NRXN3: variants seen among roughly 807,000 people sequenced by gnomAD.
NRXN3 encodes the protein neurexin III.
A neutral mutation model predicts 137.6 loss-of-function variants in NRXN3; 32 were observed. That is an observed-to-expected ratio of 0.23 (90% CI 0.18 to 0.31). The LOEUF (loss-of-function observed/expected upper bound fraction) is 0.31, where lower values mean the gene tolerates loss of function less well. NRXN3 is among the 10% of genes least tolerant of loss of function. The probability of loss-of-function intolerance (pLI) is 1.00; values close to 1 mark genes in which losing one functional copy is unlikely to be tolerated. For synonymous variants in NRXN3, 798 were observed against 784.5 expected (o/e 1.02, Z -0.29); for missense variants, 1,574 against 2,062.5 (o/e 0.76, Z 4.59).
intron 16 of NRXN3, among the ~76,000 whole-genome samples, chr14:79,504,641 T>TATATATATATA (rs1555491923): frequency 1.1e-4 from 11 of 97,892 alleles, no homozygotes; most frequent in Admixed American, 3.0e-4. Context: ...ATGAAGTTTT[T>TATATATATATA]TATATATATA....
At chr14:78,543,795 A>C (rs2096613582) in intron 4 of NRXN3, among the ~76,000 whole-genome samples, 1 of 152,128 alleles carries the variant, frequency 6.6e-6, no homozygotes, top group East Asian at 1.9e-4. Flanking sequence ...ATCCTAGCCT[A>C]GTTTCCTTCA....
At chr14:78,945,572 C>A in intron 10 of NRXN3, among the ~76,000 whole-genome samples, 1 of 152,098 alleles carries the variant, frequency 6.6e-6, no homozygotes, top group Non-Finnish European at 1.5e-5. Context: ...CGAGGCTACC[C>A]AGGTTTAGTT....
intron 8 of NRXN3, among the ~76,000 whole-genome samples, chr14:78,769,813 G>A (rs987420833): frequency 5.2e-4 from 79 of 152,236 alleles, no homozygotes; most frequent in African/African-American, 1.8e-3. Context: ...AGAGGCAGAA[G>A]CAGCAGGAGC....
At chr14:79,150,596 C>T (rs531388408) in intron 15 of NRXN3, among the ~76,000 whole-genome samples, 4 of 152,046 alleles carry the variant, frequency 2.6e-5, no homozygotes, top group South Asian at 2.1e-4. Flanking sequence ...TGCATGGTTG[C>T]CATCTGACCT....
At chr14:78,792,645 A>G (rs2098809231) in intron 8 of NRXN3, among the ~76,000 whole-genome samples, 1 of 152,224 alleles carries the variant, frequency 6.6e-6, no homozygotes, top group Non-Finnish European at 1.5e-5. Context: ...TGCATTGATC[A>G]AGTCATTGGA....
chr14:79,410,415 A>G (rs1027816577), intron 15 of NRXN3, among the ~76,000 whole-genome samples: 1 of 151,864 alleles, frequency 6.6e-6, no homozygotes, highest in Non-Finnish European at 1.5e-5. Flanking sequence ...TTTAAAATGT[A>G]GTTATCTAAT....
At chr14:79,278,330 G>C (rs866128162) in intron 15 of NRXN3, among the ~76,000 whole-genome samples, 1 of 152,134 alleles carries the variant, frequency 6.6e-6, no homozygotes, top group Non-Finnish European at 1.5e-5. Context: ...TCCTTCCTGC[G>C]CATGAGACAT....
At chr14:79,778,023 C>G (rs1603484115) in intron 19 of NRXN3, among the ~76,000 whole-genome samples, 1 of 152,172 alleles carries the variant, frequency 6.6e-6, no homozygotes, top group South Asian at 2.1e-4. Flanking sequence ...AACCTCCTTT[C>G]TACTGACTGC....
At chr14:78,615,326 C>A (rs760273987) in intron 4 of NRXN3, among the ~76,000 whole-genome samples, 2 of 151,760 alleles carry the variant, frequency 1.3e-5, no homozygotes, top group Admixed American at 6.6e-5. Context: ...CAGGGCCGGG[C>A]GCGGTGGCTC....
At chr14:79,111,469 T>A (rs1447499404) in intron 15 of NRXN3, among the ~76,000 whole-genome samples, 1 of 152,172 alleles carries the variant, frequency 6.6e-6, no homozygotes, top group African/African-American at 2.4e-5. Context: ...CTGGGCACAG[T>A]GGCTCATGCC....
At chr14:78,844,788 C>G (rs1301674516) in intron 10 of NRXN3, among the ~76,000 whole-genome samples, 1 of 152,018 alleles carries the variant, frequency 6.6e-6, no homozygotes, top group East Asian at 1.9e-4. Flanking sequence ...GTTAATCCCT[C>G]TGGAGAACCC....
At chr14:78,310,507 GC>G (rs1261001631) in intron 4 of NRXN3, among the ~76,000 whole-genome samples, 1 of 151,978 alleles carries the variant, frequency 6.6e-6, no homozygotes, top group Non-Finnish European at 1.5e-5. Context: ...AGTTTGCTGA[GC>G]CAGGCATACG....
At chr14:79,553,492 C>T (rs2097396676) in intron 16 of NRXN3, among the ~76,000 whole-genome samples, 1 of 152,108 alleles carries the variant, frequency 6.6e-6, no homozygotes, top group Non-Finnish European at 1.5e-5. Context: ...TTAGTGCACC[C>T]CATCTCATCC....
chr14:78,853,855 C>G (rs2099049651), intron 10 of NRXN3, among the ~76,000 whole-genome samples: 1 of 152,162 alleles, frequency 6.6e-6, no homozygotes, highest in Non-Finnish European at 1.5e-5. Flanking sequence ...CCATTCTTCT[C>G]CAGGTGAAAG....
intron 10 of NRXN3, among the ~76,000 whole-genome samples, chr14:78,930,572 G>A (rs1339453716): frequency 1.3e-5 from 2 of 152,166 alleles, no homozygotes; most frequent in African/African-American, 4.8e-5. Context: ...ACCAAGACAG[G>A]CAAATAATTC....
chr14:79,510,337 T>C (rs111317248), intron 16 of NRXN3, among the ~76,000 whole-genome samples: 4 of 152,250 alleles, frequency 2.6e-5, no homozygotes, highest in African/African-American at 7.2e-5. Flanking sequence ...CATTTAGGAA[T>C]TGGATACAGC....
In NRXN3 at chr14:79,643,845, A is replaced by G. The variant is rs1005953635; in HGVS notation, c.3445-19933A>G. ...CCTTGCTTTCCCTAGCAGAACAACA[A>G]TTTCTACTGAAACCCTGTTGAATTT... On this transcript the variant is annotated intron_variant, in intron 16 of 20. Coordinates refer to ENST00000335750, the MANE Select transcript of NRXN3 (RefSeq NM_001330195.2). Among the ~76,000 whole-genome samples, 2 of 135,346 alleles carry G rather than the reference A, an allele frequency of 1.5e-5. 1 individual carries two copies. The highest frequency in any genetic ancestry group is 3.4e-5 in the Non-Finnish European group (2 of 58,280). The allele number at this position is 135,346 out of a possible 152,430, so 88.8% of individuals were successfully genotyped here. A position where few individuals can be genotyped will look rare whatever the true frequency, so the allele number is the denominator to read the frequency against.
chr14:78,364,438 G>T (rs945729928), intron 4 of NRXN3, among the ~76,000 whole-genome samples: 1 of 151,988 alleles, frequency 6.6e-6, no homozygotes, highest in African/African-American at 2.4e-5. Context: ...CCTATTGCAG[G>T]GTTCCTAGGT....
intron 16 of NRXN3, among the ~76,000 whole-genome samples, chr14:79,537,737 T>G (rs1474059392): frequency 6.6e-6 from 1 of 152,340 alleles, no homozygotes; most frequent in East Asian, 1.9e-4. Flanking sequence ...TTGTGAATAG[T>G]GCCGCAATAA....
Sources: gnomAD v4.1 joint callset for allele counts (sites outside exome capture counted in the v4.1 genomes callset) on GRCh38, gnomAD v4.1.1 for gene constraint, MANE v1.5 for transcripts, NCBI Gene and HGNC (gene_info 2026-07-23, HGNC 2026-07-21) for gene names.